ZNF292: variants seen among roughly 807,000 people sequenced by gnomAD.
ZNF292 encodes 16 zinc-finger domain protein.
In ZNF292, 26 loss-of-function variants were observed where a neutral mutation model predicts 217.9. The observed-to-expected ratio is 0.12, with a 90% CI of 0.09 to 0.17. ZNF292 has a LOEUF of 0.17. Ranked by LOEUF, ZNF292 falls within the 10% of genes least tolerant of loss-of-function variation. The pLI is 1.00. For missense variants in ZNF292, 2,904 were observed against 3,175.2 expected, an observed-to-expected ratio of 0.91 and a Z score of 2.05; for synonymous variants, 1,257 against 1,124.1, an observed-to-expected ratio of 1.12 and a Z score of -2.37.
At chr6:87,207,865 A>G (rs4706290) in intron 1 of ZNF292, among the ~76,000 whole-genome samples, 37,746 of 151,954 alleles carry the variant, frequency 0.25, 5,454 homozygotes, top group Admixed American at 0.38. Context: ...CCATTGCACA[A>G]CTGTCTTCTT....
intron 4 of ZNF292, among the ~76,000 whole-genome samples, chr6:87,219,966 A>G (rs1231409990): frequency 6.6e-6 from 1 of 152,106 alleles, no homozygotes; most frequent in Non-Finnish European, 1.5e-5. Context: ...GACTGCAGAC[A>G]CATGCCACCA....
chr6:87,179,730 A>T (rs1376898841), intron 1 of ZNF292, among the ~76,000 whole-genome samples: 1 of 152,100 alleles, frequency 6.6e-6, no homozygotes, highest in Admixed American at 6.6e-5. Context: ...ACTTCAGTGT[A>T]CATCCTCTGT....
At chr6:87,225,554 CTTAAT>C (rs1417015874) in intron 4 of ZNF292, among the ~76,000 whole-genome samples, 4 of 152,088 alleles carry the variant, frequency 2.6e-5, no homozygotes, top group Non-Finnish European at 5.9e-5. Flanking sequence ...AAAAGTGTAA[CTTAAT>C]TTATGTTTAG....
chr6:87,261,550 C>T lies in ZNF292; in HGVS notation c.7921C>T (p.His2641Tyr), dbSNP rs1775602844. The change falls in exon 8 of 8, where the codon CAT becomes TAT. Residue 2641 changes from histidine (H) to tyrosine (Y), a missense_variant. His to Tyr is a moderately conservative substitution (Grantham distance 83). Coordinates refer to ENST00000369577, the MANE Select transcript of ZNF292 (RefSeq NM_015021.3). The stretch of plus-strand genomic sequence containing the variant: ...TAAGACTGCTGTGACTAGTGGAAAT[C>T]ATGTATGTCCTTGTAAAGAAAGCGA... ...IDKTAVTSGN[H>Y]VCPCKESETF... 20 of 1,609,808 alleles carry T rather than the reference C, an allele frequency of 1.2e-5. No individual in the cohort carries two copies. Among genetic ancestry groups the T allele is most frequent in the Non-Finnish European group, 1.7e-5 (20 of 1,177,850 alleles).
At position 87,202,779 on chromosome 6, in the gene ZNF292, A is replaced by C. The variant is rs543623549; in HGVS notation, c.169-13124A>C. ...CCATGATTTTGTTTTCTGTGGTTTT[A>C]GTTACCCTGGTACAAAAGTATTACA... On this transcript the variant is annotated intron_variant, in intron 1 of 7. Coordinates refer to ENST00000369577, the MANE Select transcript of ZNF292 (RefSeq NM_015021.3). 3.8e-5 allele frequency among the ~76,000 whole-genome samples: 5 copies of C among 131,322 alleles called. No homozygotes were observed. The East Asian group carries it at 1.1e-3, about 29-fold the overall frequency. The allele number at this position is 131,322 out of a possible 152,430, so 86.2% of individuals were successfully genotyped here.
At chr6:87,187,228 G>C (rs1771692228) in intron 1 of ZNF292, among the ~76,000 whole-genome samples, 1 of 151,980 alleles carries the variant, frequency 6.6e-6, no homozygotes, top group South Asian at 2.1e-4. Context: ...TATGGGTCCA[G>C]GTCAATCATG....
chr6:87,250,038 A>AAAC (rs1467169057), intron 7 of ZNF292, among the ~76,000 whole-genome samples: 1 of 65,818 alleles, frequency 1.5e-5, no homozygotes, highest in Non-Finnish European at 3.2e-5. Context: ...AAAAAAAAAC[A>AAAC]AAAAAAAAAA....
chr6:87,216,208 G>A lies in ZNF292; in HGVS notation c.324-91G>A, dbSNP rs1436958712. The A allele has an allele frequency of 2.3e-6, 3 of 1,323,228 alleles. No homozygotes were observed. The Admixed American group carries it at 6.4e-5, about 28-fold the overall frequency. 82.0% of individuals were successfully genotyped at this position (1,323,228 alleles called of 1,614,324 possible). On this transcript the variant is annotated intron_variant, in intron 2 of 7. Transcript: ENST00000369577. ...TAATTTTAAATAGATTAGTTATGGG[G>A]AGTCTGCTTATGATACTAGAATTAC...
chr6:87,258,674 T>G lies in ZNF292; in HGVS notation c.5045T>G (p.Leu1682Trp). The change falls in exon 8 of 8, where the codon TTG becomes TGG. Residue 1682 changes from leucine to tryptophan, a missense_variant. Physicochemically the swap from Leu to Trp is moderately conservative, Grantham distance 61. Around this residue, in one of 15 missense-constraint regions of ZNF292, gnomAD observed 622 missense variants for 573.1 expected, o/e 1.09. Transcript: ENST00000369577. ...ATTCCAACTTGTGAACCTCAGAGTT[T>G]GGTGGAAAATCTAACACAGAAATTA... ...NVIPTCEPQSLVENLTQKLNN... is the reference protein window; with the variant it reads ...NVIPTCEPQSWVENLTQKLNN... The G allele has an allele frequency of 6.2e-7, 1 of 1,613,574 alleles. No individual in the cohort carries two copies. Among genetic ancestry groups the G allele is most frequent in the Non-Finnish European group, 8.5e-7 (1 of 1,179,706 alleles).
chr6:87,223,070 TTTTGTTTG>T (rs899936017), intron 4 of ZNF292: 74 of 192,684 alleles, frequency 3.8e-4, no homozygotes, highest in Non-Finnish European at 6.8e-4. Flanking sequence ...TTTTGAGGTT[TTTTGTTTG>T]TTTGTTTGTT....
rs1229099720 is a variant in ZNF292, at chr6:87,265,051, G to A, written c.*3250G>A. On this transcript the variant is annotated 3_prime_UTR_variant, in exon 8 of 8. Coordinates refer to ENST00000369577, the MANE Select transcript of ZNF292 (RefSeq NM_015021.3). ...GATACTAGGCAGGTGGAAGGTTATT[G>A]CTGTGATGAAATAAGTTTTCTAAAT... is the stretch of plus-strand genomic sequence containing the variant. Among the ~76,000 whole-genome samples the A allele has an allele frequency of 2.0e-5, 3 of 152,084 alleles. No individual in the cohort carries two copies. Among genetic ancestry groups the A allele is most frequent in the Non-Finnish European group, 2.9e-5 (2 of 68,012 alleles).
At chr6:87,231,785 T>G (rs1266224199) in intron 4 of ZNF292, among the ~76,000 whole-genome samples, 2 of 152,224 alleles carry the variant, frequency 1.3e-5, no homozygotes, top group African/African-American at 4.8e-5. Context: ...GTGTGTTGAT[T>G]GTGACTTTTT....
In ZNF292 at chr6:87,233,304, A is replaced by G. The variant is rs374486694; in HGVS notation, c.539-21A>G. On this transcript the variant is annotated intron_variant, in intron 4 of 7. Coordinates refer to ENST00000369577, the MANE Select transcript of ZNF292 (RefSeq NM_015021.3). ...AATTATTACCAAATGTTAATAATCT[A>G]TTATGTCTTGTTTTTTAAAGTGAAT... 7.4e-5 allele frequency: 114 copies of G among 1,545,982 alleles called. No homozygotes were observed. The East Asian group carries it at 8.6e-4, about 12-fold the overall frequency.
intron 1 of ZNF292, among the ~76,000 whole-genome samples, chr6:87,188,799 T>TA (rs975498498): frequency 3.3e-5 from 5 of 150,980 alleles, no homozygotes; most frequent in Non-Finnish European, 7.4e-5. Flanking sequence ...AACTGTTTAA[T>TA]AAAAAAAATT....
chr6:87,171,003 C>G (rs1771077910), intron 1 of ZNF292, among the ~76,000 whole-genome samples: 1 of 152,170 alleles, frequency 6.6e-6, no homozygotes, highest in South Asian at 2.1e-4. Context: ...ATGATATGAC[C>G]TAGCATAATT....
chr6:87,228,384 G>A (rs955688180), intron 4 of ZNF292, among the ~76,000 whole-genome samples: 1 of 152,114 alleles, frequency 6.6e-6, no homozygotes, highest in African/African-American at 2.4e-5. Context: ...TCACTCTGGT[G>A]AAAAGGTTGC....
chr6:87,219,141 T>C (rs1772944662), intron 4 of ZNF292, among the ~76,000 whole-genome samples: 1 of 152,216 alleles, frequency 6.6e-6, no homozygotes, highest in South Asian at 2.1e-4. Context: ...TAAAATGCTT[T>C]CTCAGTTTAT....
At chr6:87,234,366 G>C (rs1184586864) in intron 5 of ZNF292, among the ~76,000 whole-genome samples, 2 of 152,098 alleles carry the variant, frequency 1.3e-5, no homozygotes, top group Non-Finnish European at 2.9e-5. Flanking sequence ...AGACCAGCCT[G>C]GCCAACGTAG....
At chr6:87,218,415 G>T (rs1772897246) in intron 3 of ZNF292, among the ~76,000 whole-genome samples, 181 bp from the exon 4 acceptor site, 1 of 152,076 alleles carries the variant, frequency 6.6e-6, no homozygotes, top group African/African-American at 2.4e-5. Flanking sequence ...ATTTGTAAAT[G>T]ATGTATTTCT....
Sources: gnomAD v4.1 joint callset for allele counts (sites outside exome capture counted in the v4.1 genomes callset) on GRCh38, gnomAD v4.1.1 for gene constraint, gnomAD v4.1.1 regional missense constraint, MANE v1.5 for transcripts, NCBI Gene and HGNC (gene_info 2026-07-23, HGNC 2026-07-21) for gene names.